KRT8: variants seen among roughly 807,000 people sequenced by gnomAD.
KRT8 encodes the protein keratin, type II cytoskeletal 8.
A neutral mutation model predicts 43.0 loss-of-function variants in KRT8; 24 were observed. The ratio of observed to expected loss-of-function variants is 0.56; its 90% confidence interval spans 0.40 to 0.78. The LOEUF (loss-of-function observed/expected upper bound fraction) is 0.78. Ranked by LOEUF, KRT8 falls within the 30% of genes least tolerant of loss-of-function variation. The pLI is 0.00. For synonymous variants in KRT8, 214 were observed against 261.2 expected (o/e 0.82, Z 1.74); for missense variants, 492 against 638.4 (o/e 0.77, Z 2.47).
At chr12:52,904,128 TAAAAAAAAGAAAAGAAAG>T (rs1941450156) in intron 1 of KRT8, among the ~76,000 whole-genome samples, 1 of 149,772 alleles carries the variant, frequency 6.7e-6, no homozygotes, top group Non-Finnish European at 1.5e-5. Flanking sequence ...AACCCCTATG[TAAAAAAAAGAAAAGAAAG>T]AAAAAAAATC....
At chr12:52,901,279 T>C (rs5019799) in intron 2 of KRT8, 60 bp from the exon 3 acceptor site, 652,164 of 1,224,978 alleles carry the variant, frequency 0.53, 175,571 homozygotes, top group South Asian at 0.7. Context: ...CCCTTGGTCT[T>C]TTGGGAGACA....
At position 52,902,083 on chromosome 12, in the gene KRT8, G is replaced by A. The variant is rs748171794; in HGVS notation, c.325-11C>T. ...CTCCAGGAACCGTACCTATACGAAG[G>A]AGGAGAGAGCAAAAAGGTCTACATC... On this transcript the variant is annotated splice_polypyrimidine_tract_variant and intron_variant, in intron 1 of 7. Coordinates refer to ENST00000692008, the Ensembl canonical transcript of KRT8. The A allele has an allele frequency of 4.4e-6, 7 of 1,581,254 alleles. No individual in the cohort carries two copies. In the East Asian group the frequency reaches 8.9e-5, roughly 20 times the overall value.
intron 2 of KRT8, among the ~76,000 whole-genome samples, chr12:52,942,891 G>A (rs1031174858): frequency 1.3e-5 from 2 of 151,964 alleles, no homozygotes; most frequent in Non-Finnish European, 2.9e-5. Context: ...TCTGCCACAC[G>A]CTTCTGATTG....
At chr12:52,946,267 G>A (rs781398927) in intron 2 of KRT8, among the ~76,000 whole-genome samples, 3 of 152,128 alleles carry the variant, frequency 2.0e-5, no homozygotes, top group Non-Finnish European at 4.4e-5. Flanking sequence ...GTGCCCCAGG[G>A]TTTTTAAATG....
Position 52,901,104 on chromosome 12 carries a change from G to C in KRT8, c.594+55C>G. The C allele has an allele frequency of 1.1e-5, 14 of 1,266,512 alleles. No individual in the cohort carries two copies. The Admixed American group carries it at 2.2e-4, about 20-fold the overall frequency. The allele number at this position is 1,266,512 out of a possible 1,614,324, so 78.5% of individuals were successfully genotyped here. On this transcript the variant is annotated intron_variant, in intron 3 of 7. Coordinates refer to ENST00000692008, the Ensembl canonical transcript of KRT8. ...CAAAACCCAGAAAGCTTCTTGGTCT[G>C]AGTCTCTGAGCCCCAGCCTCCAGTG...
chr12:52,902,153 T>C (rs1941388509), intron 1 of KRT8, 81 bp from the exon 2 acceptor site: 7 of 855,466 alleles, frequency 8.2e-6, no homozygotes, highest in African/African-American at 1.7e-5. Context: ...GTCTTTTCTC[T>C]TAATTCACTC....
chr12:52,914,495 C>A (rs1297185673), intron 2 of KRT8, among the ~76,000 whole-genome samples: 1 of 152,160 alleles, frequency 6.6e-6, no homozygotes, highest in African/African-American at 2.4e-5. Flanking sequence ...TGTGATCATA[C>A]CATTGCACTC....
chr12:52,900,496 G>A, intron 4 of KRT8, 92 bp downstream of exon 4: 1 of 819,470 alleles, frequency 1.2e-6, no homozygotes, highest in Non-Finnish European at 2.2e-6. Flanking sequence ...TTATTAGTGT[G>A]CTGGGGGCTG....
chr12:52,938,156 ATATATATATATATATTTT>A (rs1385802756), intron 2 of KRT8, among the ~76,000 whole-genome samples: 2 of 31,942 alleles, frequency 6.3e-5, no homozygotes, highest in Non-Finnish European at 1.1e-4. Flanking sequence ...ATATATATAT[ATATATATATATATATTTT>A]TTTTTTTTTT....
At chr12:52,900,862 C>T (rs1941351669) in intron 3 of KRT8, 179 bp from the exon 4 acceptor site, 1 of 651,822 alleles carries the variant, frequency 1.5e-6, no homozygotes. Context: ...ACACCTTCAC[C>T]TCTGCTTCCT....
intron 2 of KRT8, chr12:52,948,622 G>A (rs1942392351): frequency 7.0e-6 from 2 of 284,188 alleles, no homozygotes; most frequent in South Asian, 1.7e-4. Flanking sequence ...CTCCCAAGTA[G>A]CTGAGACTAC....
chr12:52,907,132 A>C (rs1007085075), upstream of KRT8: 1 of 195,598 alleles, frequency 5.1e-6, no homozygotes, highest in South Asian at 9.2e-5. Flanking sequence ...TGAATGGAGC[A>C]AGGGAAATTC....
chr12:52,900,319 C>A (rs1012296263), intron 4 of KRT8, among the ~76,000 whole-genome samples: 1 of 152,144 alleles, frequency 6.6e-6, no homozygotes, highest in Admixed American at 6.5e-5. Flanking sequence ...AATCACCACA[C>A]CCTATGATGA....
At chr12:52,938,171 T>TATATATATATATATATA (rs1350561374) in intron 2 of KRT8, among the ~76,000 whole-genome samples, 51 of 29,630 alleles carry the variant, frequency 1.7e-3, no homozygotes, top group African/African-American at 2.5e-3. Context: ...TATATATATA[T>TATATATATATATATATA]TTTTTTTTTT....
intron 2 of KRT8, among the ~76,000 whole-genome samples, chr12:52,935,802 C>G (rs1237038588): frequency 6.6e-6 from 1 of 152,022 alleles, no homozygotes; most frequent in Non-Finnish European, 1.5e-5. Context: ...ACCACCGTGC[C>G]CAGCCCATAA....
chr12:52,917,783 G>A (rs1941773062), intron 2 of KRT8, among the ~76,000 whole-genome samples: 2 of 151,842 alleles, frequency 1.3e-5, no homozygotes, highest in African/African-American at 4.8e-5. Flanking sequence ...GGAGGCTGAG[G>A]CAGGGAGAAT....
intron 2 of KRT8, among the ~76,000 whole-genome samples, chr12:52,929,846 A>G (rs1203252029): frequency 6.6e-6 from 1 of 152,126 alleles, no homozygotes; most frequent in Non-Finnish European, 1.5e-5. Context: ...TCCCAGATCA[A>G]CATCTCCAGA....
intron 2 of KRT8, among the ~76,000 whole-genome samples, chr12:52,918,206 A>AAGG (rs1565725720): frequency 2.2e-4 from 18 of 81,812 alleles, no homozygotes; most frequent in African/African-American, 7.0e-4. Context: ...GAAGAAGAAC[A>AAGG]AGAAGAAGAA....
At chr12:52,898,540 T>C (rs1212585192) in intron 6 of KRT8, 21 bp from the exon 7 acceptor site, 2 of 1,613,856 alleles carry the variant, frequency 1.2e-6, no homozygotes, top group Non-Finnish European at 8.5e-7. Context: ...ACAAATGGGG[T>C]GTCAGGACCA....
Sources: allele counts gnomAD v4.1 joint callset (sites outside exome capture counted in the v4.1 genomes callset), GRCh38; gene constraint gnomAD v4.1.1; transcripts MANE v1.5; gene names NCBI Gene and HGNC (gene_info 2026-07-23, HGNC 2026-07-21).